The following GALNT7 variants were observed in gnomAD, a reference collection of about 807,000 sequenced individuals.
The protein encoded by GALNT7 is polypeptide N-acetylgalactosaminyltransferase 7, also known as N-acetylgalactosaminyltransferase 7.
In GALNT7, 60 loss-of-function variants were observed where a neutral mutation model predicts 82.1. That is an observed-to-expected ratio of 0.73 (90% confidence interval 0.59 to 0.91). The LOEUF is 0.91. Among genes scored for constraint, GALNT7 ranks in the 40% least tolerant of loss-of-function variants. GALNT7 has a pLI of 0.00. For synonymous variants in GALNT7, 243 were observed against 275.1 expected, an observed-to-expected ratio of 0.88 and a Z score of 1.15; for missense variants, 660 against 804.2, an observed-to-expected ratio of 0.82 and a Z score of 2.17.
chr4:173,233,277 G>A (rs1436835421), intron 1 of GALNT7, among the ~76,000 whole-genome samples: 1 of 152,114 alleles, frequency 6.6e-6, no homozygotes, highest in Non-Finnish European at 1.5e-5. Context: ...GGGTTGTATG[G>A]TAGTTCTATT....
chr4:173,209,959 C>A (rs1027425099), intron 1 of GALNT7, among the ~76,000 whole-genome samples: 1 of 151,974 alleles, frequency 6.6e-6, no homozygotes, highest in South Asian at 2.1e-4. Flanking sequence ...ATGGTGAAAC[C>A]CCGTCTCTAC....
At chr4:173,267,907 G>A (rs996883451) in intron 2 of GALNT7, among the ~76,000 whole-genome samples, 12 of 152,116 alleles carry the variant, frequency 7.9e-5, no homozygotes, top group Non-Finnish European at 1.8e-4. Flanking sequence ...GCATAGAGAA[G>A]CTTCAGAAGC....
chr4:173,219,074 A>G (rs752752797), intron 1 of GALNT7, among the ~76,000 whole-genome samples: 2 of 152,046 alleles, frequency 1.3e-5, no homozygotes, highest in African/African-American at 4.8e-5. Flanking sequence ...TGGTGCACCT[A>G]TCATCTGAGC....
At chr4:173,207,923 A>G (rs2126665329) in intron 1 of GALNT7, among the ~76,000 whole-genome samples, 1 of 152,280 alleles carries the variant, frequency 6.6e-6, no homozygotes, top group South Asian at 2.1e-4. Flanking sequence ...CATTTTTTTA[A>G]CTTATATTTT....
At chr4:173,288,768 G>A (rs894748627) in intron 2 of GALNT7, among the ~76,000 whole-genome samples, 5 of 152,038 alleles carry the variant, frequency 3.3e-5, no homozygotes, top group Non-Finnish European at 7.4e-5. Context: ...GTCTATCATT[G>A]AGGACAAAAA....
intron 5 of GALNT7, 80 bp from the exon 6 acceptor site, chr4:173,298,035 T>C (rs1736784263): frequency 1.3e-6 from 2 of 1,546,812 alleles, no homozygotes; most frequent in East Asian, 2.3e-5. Flanking sequence ...CTTTTTTTTT[T>C]CTTCCCCATG....
At chr4:173,318,143 A>G (rs1737673002) in intron 10 of GALNT7, among the ~76,000 whole-genome samples, 1 of 152,106 alleles carries the variant, frequency 6.6e-6, no homozygotes, top group South Asian at 2.1e-4. Context: ...TTATGTGGGT[A>G]TGTTTTTGCT....
chr4:173,191,360 G>A (rs1175342887), intron 1 of GALNT7, among the ~76,000 whole-genome samples: 17 of 152,082 alleles, frequency 1.1e-4, no homozygotes, highest in South Asian at 2.1e-4. Flanking sequence ...TTTAAGCAGC[G>A]AGCAAAAGGA....
intron 1 of GALNT7, among the ~76,000 whole-genome samples, chr4:173,204,588 G>A (rs1733032490): frequency 6.6e-6 from 1 of 152,006 alleles, no homozygotes; most frequent in African/African-American, 2.4e-5. Flanking sequence ...GAGCAGTTCT[G>A]CTGCTGATGC....
At chr4:173,299,760 C>T (rs1261961884) in intron 6 of GALNT7, among the ~76,000 whole-genome samples, 4 of 151,744 alleles carry the variant, frequency 2.6e-5, no homozygotes, top group African/African-American at 7.3e-5. Context: ...GCAGGAGAAT[C>T]GCTTGAACCT....
chr4:173,185,734 T>C (rs1732443013), intron 1 of GALNT7, among the ~76,000 whole-genome samples: 1 of 152,188 alleles, frequency 6.6e-6, no homozygotes, highest in Non-Finnish European at 1.5e-5. Context: ...TGTTTTGTTT[T>C]TTTAATTTCC....
chr4:173,226,816 C>G (rs907814557), intron 1 of GALNT7, among the ~76,000 whole-genome samples: 1 of 152,134 alleles, frequency 6.6e-6, no homozygotes, highest in African/African-American at 2.4e-5. Flanking sequence ...TGAGGTGAGG[C>G]TATGTTACAA....
chr4:173,248,478 CTG>C, intron 2 of GALNT7, 38 bp downstream of exon 2: 1 of 1,286,942 alleles, frequency 7.8e-7, no homozygotes, highest in Non-Finnish European at 1.1e-6. Context: ...AATGGGGCAA[CTG>C]TTGTTTTCAT....
intron 1 of GALNT7, among the ~76,000 whole-genome samples, chr4:173,236,641 G>A (rs1245102088): frequency 2.0e-5 from 3 of 152,118 alleles, no homozygotes; most frequent in South Asian, 2.1e-4. Flanking sequence ...TAAGCACTCC[G>A]TGTTTTTATG....
At chr4:173,291,739 A>G (rs1043167265) in intron 2 of GALNT7, among the ~76,000 whole-genome samples, 4 of 151,914 alleles carry the variant, frequency 2.6e-5, no homozygotes, top group Non-Finnish European at 4.4e-5. Context: ...AGTGAAATAA[A>G]TCTCTTGTGC....
chr4:173,229,857 T>C (rs1733971167), intron 1 of GALNT7, among the ~76,000 whole-genome samples: 1 of 152,176 alleles, frequency 6.6e-6, no homozygotes, highest in Non-Finnish European at 1.5e-5. Flanking sequence ...ACTTTTTTTT[T>C]CATTTTTATC....
chr4:173,252,982 A>G (rs754024845), intron 2 of GALNT7, among the ~76,000 whole-genome samples: 3 of 152,008 alleles, frequency 2.0e-5, no homozygotes, highest in African/African-American at 7.2e-5. Flanking sequence ...GGCTGATCGC[A>G]TGAGTCCAGG....
intron 6 of GALNT7, among the ~76,000 whole-genome samples, chr4:173,300,936 C>T (rs1409327593): frequency 6.6e-6 from 1 of 151,972 alleles, no homozygotes; most frequent in African/African-American, 2.4e-5. Flanking sequence ...GAGTTCTAGA[C>T]CAGTCTGAGC....
rs147415059 is a variant in GALNT7 at position 173,277,763 on chromosome 4, G to T, written c.588-14345G>T. Among the ~76,000 whole-genome samples, 581 of 152,284 alleles carry T rather than the reference G, an allele frequency of 3.8e-3. 7 individuals are homozygous for T. The highest frequency in any genetic ancestry group is 0.013 in the African/African-American group (550 of 41,556). On this transcript the variant is annotated intron_variant, in intron 2 of 11. Coordinates refer to ENST00000265000, the MANE Select transcript of GALNT7 (RefSeq NM_017423.3). ...AGCAAAGAGTAGGCAGATTATTAGG[G>T]CAAATTATATGATTTTAACGTATGA...
Sources: gnomAD v4.1 joint callset for allele counts (sites outside exome capture counted in the v4.1 genomes callset) on GRCh38, gnomAD v4.1.1 for gene constraint, MANE v1.5 for transcripts, NCBI Gene and HGNC (gene_info 2026-07-23, HGNC 2026-07-21) for gene names.